Variants in DCLK1 observed in about 807,000 individuals in gnomAD.
DCLK1 encodes the protein serine/threonine-protein kinase DCLK1.
In DCLK1, 16 loss-of-function variants were observed where a neutral mutation model predicts 86.2. That is an observed-to-expected ratio of 0.19 (90% CI 0.13 to 0.28). The LOEUF (loss-of-function observed/expected upper bound fraction) is 0.28. Among genes scored for constraint, DCLK1 ranks in the 10% least tolerant of loss-of-function variants. The pLI is 1.00. For synonymous variants in DCLK1, 369 were observed against 370.5 expected (o/e 1.00, Z 0.05); for missense variants, 590 against 940.2 (o/e 0.63, Z 4.87).
rs372345735 is a variant in DCLK1, at chr13:36,086,303, C to T, written c.723+25566G>A. Among the ~76,000 whole-genome samples, 14 of 152,250 alleles carry T rather than the reference C, an allele frequency of 9.2e-5. No homozygotes were observed. The East Asian group carries it at 2.7e-3, about 30-fold the overall frequency. On this transcript the variant is annotated intron_variant, in intron 3 of 16. Coordinates refer to ENST00000360631, the MANE Select transcript of DCLK1 (RefSeq NM_001330071.2). ...GCCCTCTGGAGTCTGCTCTGTACCA[C>T]CAGGGGTCCCCTGGGCTCCAGAACA...
At chr13:35,980,437 G>A (rs1566630817) in intron 3 of DCLK1, among the ~76,000 whole-genome samples, 1 of 152,158 alleles carries the variant, frequency 6.6e-6, no homozygotes, top group South Asian at 2.1e-4. Flanking sequence ...CTGACAGAGG[G>A]AGACCCTGTG....
chr13:35,958,279 T>C (rs200249022), intron 3 of DCLK1, among the ~76,000 whole-genome samples: 682 of 8,246 alleles, frequency 0.083, 241 homozygotes, highest in African/African-American at 0.2. Context: ...ATTACCACCA[T>C]CACTGCCACT....
chr13:35,914,988 G>A (rs1875324962), intron 4 of DCLK1, among the ~76,000 whole-genome samples: 1 of 152,074 alleles, frequency 6.6e-6, no homozygotes, highest in Admixed American at 6.5e-5. Context: ...AGGCAATAAG[G>A]GGCAAATAAA....
chr13:35,896,032 C>T (rs1172891509), intron 4 of DCLK1, among the ~76,000 whole-genome samples: 2 of 151,788 alleles, frequency 1.3e-5, no homozygotes, highest in Non-Finnish European at 2.9e-5. Flanking sequence ...ACAAGTAAGG[C>T]GCTTTGTTTT....
Position 36,006,798 on chromosome 13 carries a change from C to T in DCLK1, c.724-59341G>A, listed in dbSNP as rs191857279. Among the ~76,000 whole-genome samples, 86 of 152,252 alleles carry T rather than the reference C, an allele frequency of 5.6e-4. 1 individual carries two copies. The highest frequency in any genetic ancestry group is 6.8e-3 in the Middle Eastern group (2 of 294). On this transcript the variant is annotated intron_variant, in intron 3 of 16. Coordinates refer to ENST00000360631, the MANE Select transcript of DCLK1 (RefSeq NM_001330071.2). The stretch of plus-strand genomic sequence containing the variant: ...AGGTTTAGGGCAAAAGCTAGCTGAC[C>T]CCAGTCAAGTAACTTACAGGTTCTT...
At chr13:36,066,222 T>C (rs1266487092) in intron 3 of DCLK1, among the ~76,000 whole-genome samples, 1 of 152,128 alleles carries the variant, frequency 6.6e-6, no homozygotes, top group Non-Finnish European at 1.5e-5. Context: ...TCACTTCCCA[T>C]GTTTAGGCAG....
intron 3 of DCLK1, among the ~76,000 whole-genome samples, chr13:35,983,221 C>T (rs906783179): frequency 1.3e-5 from 2 of 151,906 alleles, no homozygotes; most frequent in Admixed American, 1.3e-4. Context: ...AAATCCCTGG[C>T]CTCAAGTGAT....
At chr13:35,934,304 T>C (rs1394717940) in intron 4 of DCLK1, among the ~76,000 whole-genome samples, 2 of 152,370 alleles carry the variant, frequency 1.3e-5, no homozygotes, top group South Asian at 2.1e-4. Flanking sequence ...GGGTATCTTC[T>C]TAGCAGCACC....
At chr13:35,801,072 T>A (rs975937208) in intron 15 of DCLK1, among the ~76,000 whole-genome samples, 7 of 152,126 alleles carry the variant, frequency 4.6e-5, no homozygotes, top group Non-Finnish European at 1.0e-4. Context: ...AGTCATGGTA[T>A]AAGCAATAGA....
intron 4 of DCLK1, among the ~76,000 whole-genome samples, chr13:35,917,931 G>A (rs10083249): frequency 0.084 from 12,846 of 152,144 alleles, 608 homozygotes; most frequent in Middle Eastern, 0.16. Flanking sequence ...AGGCAGCCAC[G>A]GGCAAGGGCA....
intron 3 of DCLK1, among the ~76,000 whole-genome samples, chr13:36,092,306 A>G (rs1259499505): frequency 6.6e-6 from 1 of 152,020 alleles, no homozygotes; most frequent in Non-Finnish European, 1.5e-5. Context: ...CTTACCTTCT[A>G]GAGTTGGTGT....
intron 4 of DCLK1, among the ~76,000 whole-genome samples, chr13:35,913,620 A>AT (rs879308765): frequency 4.8e-4 from 73 of 152,196 alleles, no homozygotes; most frequent in South Asian, 2.3e-3. Flanking sequence ...ACTAAATTAC[A>AT]TTTTTTTTCT....
rs1022493899 is a variant in DCLK1, at chr13:35,997,097, T to C, written c.724-49640A>G. ...GGAAAAAGCCAATTAGTTTCCAGAA[T>C]GGCTCCTTTCTCTTGGGGCTACACC... On this transcript the variant is annotated intron_variant, in intron 3 of 16. Transcript: ENST00000360631. 2.6e-5 allele frequency among the ~76,000 whole-genome samples: 4 copies of C among 152,344 alleles called. No homozygotes were observed. The South Asian group carries it at 8.3e-4, about 32-fold the overall frequency.
chr13:35,984,324 C>T (rs1038546098), intron 3 of DCLK1, among the ~76,000 whole-genome samples: 37 of 152,318 alleles, frequency 2.4e-4, no homozygotes, highest in African/African-American at 8.4e-4. Flanking sequence ...GAGAACTTGA[C>T]GAGGCCTCAT....
At chr13:35,997,541 TA>T (rs1880526134) in intron 3 of DCLK1, among the ~76,000 whole-genome samples, 1 of 152,220 alleles carries the variant, frequency 6.6e-6, no homozygotes, top group African/African-American at 2.4e-5. Context: ...CATCTATCAA[TA>T]GTTTTTAATA....
intron 3 of DCLK1, among the ~76,000 whole-genome samples, chr13:35,982,862 A>C (rs966104458): frequency 6.6e-6 from 1 of 152,008 alleles, no homozygotes; most frequent in Non-Finnish European, 1.5e-5. Context: ...CCTGGGTTCA[A>C]GCCATTCTCC....
At chr13:35,792,990 C>CA (rs1207146975) in intron 16 of DCLK1, among the ~76,000 whole-genome samples, 4 of 152,172 alleles carry the variant, frequency 2.6e-5, no homozygotes, top group Non-Finnish European at 5.9e-5. Flanking sequence ...GCAATGTCGT[C>CA]TCTCTCAGCT....
chr13:36,114,707 T>A (rs1357419290), intron 2 of DCLK1, among the ~76,000 whole-genome samples: 1 of 152,266 alleles, frequency 6.6e-6, no homozygotes, highest in Non-Finnish European at 1.5e-5. Flanking sequence ...CCACAAGAGA[T>A]GTGGTTCCCG....
At chr13:35,843,593 C>T (rs145598657) in intron 6 of DCLK1, among the ~76,000 whole-genome samples, 1 of 152,268 alleles carries the variant, frequency 6.6e-6, no homozygotes, top group East Asian at 1.9e-4. Flanking sequence ...TTAATGTTGT[C>T]ACTCAGCTGG....
Sources: allele counts gnomAD v4.1 joint callset (sites outside exome capture counted in the v4.1 genomes callset), GRCh38; gene constraint gnomAD v4.1.1; transcripts MANE v1.5; gene names NCBI Gene and HGNC (gene_info 2026-07-23, HGNC 2026-07-21).